The following LIN52 variants were observed in gnomAD, a reference collection of about 807,000 sequenced individuals.
LIN52 encodes protein lin-52 homolog.
A neutral mutation model predicts 18.5 loss-of-function variants in LIN52; 4 were observed. The observed-to-expected ratio is 0.22, with a 90% CI of 0.11 to 0.49. LIN52 has a LOEUF of 0.49. Among genes scored for constraint, LIN52 ranks in the 20% least tolerant of loss-of-function variants. The pLI is 0.97. For missense variants in LIN52, 102 were observed against 139.5 expected (o/e 0.73, Z 1.35); for synonymous variants, 34 against 45.5 (o/e 0.75, Z 1.02).
chr14:74,121,222 T>C (rs2060997851), intron 5 of LIN52, among the ~76,000 whole-genome samples: 1 of 152,214 alleles, frequency 6.6e-6, no homozygotes, highest in African/African-American at 2.4e-5. Flanking sequence ...TCCCATATAA[T>C]TCCCAGAGGT....
intron 5 of LIN52, among the ~76,000 whole-genome samples, chr14:74,125,981 A>G (rs907468868): frequency 1.3e-5 from 2 of 151,442 alleles, no homozygotes; most frequent in South Asian, 2.1e-4. Flanking sequence ...TGGCACATGT[A>G]TACATATGTA....
intron 2 of LIN52, among the ~76,000 whole-genome samples, chr14:74,095,430 C>T (rs988148930): frequency 1.3e-5 from 2 of 151,960 alleles, no homozygotes; most frequent in Non-Finnish European, 2.9e-5. Flanking sequence ...CCACTGCACC[C>T]GGCCCGTTTT....
chr14:74,173,565 T>C (rs577356931), intron 5 of LIN52, among the ~76,000 whole-genome samples: 1 of 152,370 alleles, frequency 6.6e-6, no homozygotes, highest in East Asian at 1.9e-4. Context: ...GTTTGTTAAA[T>C]GTTTTTGTAT....
At chr14:74,109,389 C>T (rs943816514) in intron 5 of LIN52, among the ~76,000 whole-genome samples, 1 of 152,156 alleles carries the variant, frequency 6.6e-6, no homozygotes, top group African/African-American at 2.4e-5. Flanking sequence ...GAGGCTGAGC[C>T]TGGGAGGTTG....
chr14:74,185,309 C>CTTTTTTTTTTTTTTTT (rs71115969), intron 5 of LIN52, among the ~76,000 whole-genome samples: 5 of 78,786 alleles, frequency 6.3e-5, no homozygotes, highest in East Asian at 4.1e-4. Flanking sequence ...ATAATGATTT[C>CTTTTTTTTTTTTTTTT]TTTTTTTTTT....
At chr14:74,123,405 T>C (rs534432978) in intron 5 of LIN52, among the ~76,000 whole-genome samples, 1 of 152,272 alleles carries the variant, frequency 6.6e-6, no homozygotes, top group South Asian at 2.1e-4. Flanking sequence ...CCAAGAACAA[T>C]TCTTAGGTTT....
At chr14:74,087,855 C>G (rs1489696078) in intron 1 of LIN52, among the ~76,000 whole-genome samples, 1 of 152,020 alleles carries the variant, frequency 6.6e-6, no homozygotes, top group Non-Finnish European at 1.5e-5. Context: ...GAGTTCTATC[C>G]CAGACTGTGG....
chr14:74,151,524 A>G (rs2061176953), intron 5 of LIN52, among the ~76,000 whole-genome samples: 1 of 152,254 alleles, frequency 6.6e-6, no homozygotes, highest in Non-Finnish European at 1.5e-5. Flanking sequence ...AAAGTGATTG[A>G]CCAGTCTGTT....
chr14:74,165,021 G>A (rs1025081932), intron 5 of LIN52, among the ~76,000 whole-genome samples: 3 of 152,072 alleles, frequency 2.0e-5, no homozygotes, highest in Non-Finnish European at 4.4e-5. Context: ...AGACATAGTC[G>A]ATTCTGTGGT....
At chr14:74,127,319 T>C (rs181584756) in intron 5 of LIN52, among the ~76,000 whole-genome samples, 1 of 152,276 alleles carries the variant, frequency 6.6e-6, no homozygotes, top group East Asian at 1.9e-4. Flanking sequence ...TATTTCGGTA[T>C]GAAGAATGAG....
chr14:74,186,501 T>A (rs1039605204), intron 5 of LIN52, among the ~76,000 whole-genome samples: 8 of 150,510 alleles, frequency 5.3e-5, no homozygotes, highest in African/African-American at 1.7e-4. Context: ...CAGGCATGGT[T>A]GCTCACACCT....
At chr14:74,191,702 C>T (rs1487841686) in intron 5 of LIN52, among the ~76,000 whole-genome samples, 4 of 150,432 alleles carry the variant, frequency 2.7e-5, no homozygotes, top group African/African-American at 4.9e-5. Context: ...GGTGCAATCT[C>T]GACTCACTGC....
At chr14:74,192,700 A>C (rs761680833) in intron 5 of LIN52, 3 of 265,692 alleles carry the variant, frequency 1.1e-5, no homozygotes, top group Non-Finnish European at 2.2e-5. Context: ...TGTGAACAAC[A>C]GTATATCAAT....
At chr14:74,102,103 C>G (rs1407821184) in intron 5 of LIN52, among the ~76,000 whole-genome samples, 1 of 152,092 alleles carries the variant, frequency 6.6e-6, no homozygotes, top group Non-Finnish European at 1.5e-5. Flanking sequence ...TAAGGCTGGC[C>G]ACAGTGGCTC....
chr14:74,163,893 A>C (rs1595181078), intron 5 of LIN52, among the ~76,000 whole-genome samples: 1 of 152,202 alleles, frequency 6.6e-6, no homozygotes, highest in Admixed American at 6.5e-5. Flanking sequence ...TCTCTCCCAC[A>C]AAAGACTGGA....
At chr14:74,107,951 A>G (rs1408480902) in intron 5 of LIN52, among the ~76,000 whole-genome samples, 1 of 152,102 alleles carries the variant, frequency 6.6e-6, no homozygotes, top group African/African-American at 2.4e-5. Context: ...AGAATTTTGC[A>G]GTCACCACCA....
At chr14:74,190,642 T>A (rs1042225571) in intron 5 of LIN52, among the ~76,000 whole-genome samples, 7 of 152,124 alleles carry the variant, frequency 4.6e-5, no homozygotes, top group Admixed American at 3.9e-4. Context: ...TCTGGCTGTC[T>A]CGACCTCCCA....
At chr14:74,146,150 C>T (rs1480034880) in intron 5 of LIN52, among the ~76,000 whole-genome samples, 4 of 152,080 alleles carry the variant, frequency 2.6e-5, no homozygotes, top group Non-Finnish European at 5.9e-5. Context: ...TCATGAATCC[C>T]ATGTTTCCTG....
At chr14:74,134,847 T>C (rs983366852) in intron 5 of LIN52, among the ~76,000 whole-genome samples, 1 of 152,236 alleles carries the variant, frequency 6.6e-6, no homozygotes, top group Non-Finnish European at 1.5e-5. Flanking sequence ...ATTCTTAATA[T>C]AACTGTCTTT....
Sources: allele counts gnomAD v4.1 joint callset (sites outside exome capture counted in the v4.1 genomes callset), GRCh38; gene constraint gnomAD v4.1.1; transcripts MANE v1.5; gene names NCBI Gene and HGNC (gene_info 2026-07-23, HGNC 2026-07-21).